The following ZNF423 variants were observed in gnomAD, a reference collection of about 807,000 sequenced individuals.
ZNF423 encodes the protein zinc finger protein 423.
In ZNF423, 12 loss-of-function variants were observed where a neutral mutation model predicts 95.8. That is an observed-to-expected ratio of 0.13 (90% confidence interval 0.08 to 0.20). The LOEUF (loss-of-function observed/expected upper bound fraction) is 0.20, where lower values mean the gene tolerates loss of function less well. ZNF423 is among the 10% of genes least tolerant of loss of function. ZNF423 has a pLI of 1.00. For synonymous variants in ZNF423, 749 were observed against 711.9 expected (o/e 1.05, Z -0.83); for missense variants, 1,316 against 1,737.1 (o/e 0.76, Z 4.31).
intron 2 of ZNF423, among the ~76,000 whole-genome samples, chr16:49,735,525 G>C (rs538263119): frequency 1.3e-5 from 2 of 152,168 alleles, no homozygotes; most frequent in African/African-American, 4.8e-5. Context: ...ACGAGGGACC[G>C]AATTCTCCTC....
chr16:49,604,855 G>A (rs72793550), intron 5 of ZNF423, among the ~76,000 whole-genome samples: 7,377 of 152,200 alleles, frequency 0.048, 220 homozygotes, highest in Non-Finnish European at 0.07. Context: ...GATGAAAGCC[G>A]GACACTGTCC....
intron 5 of ZNF423, among the ~76,000 whole-genome samples, chr16:49,592,249 G>A (rs1451677408): frequency 1.3e-5 from 2 of 152,220 alleles, no homozygotes; most frequent in Admixed American, 6.5e-5. Context: ...TTCCCTGGGA[G>A]GTGAGATTAA....
chr16:49,679,836 A>C (rs1225104856), intron 3 of ZNF423, among the ~76,000 whole-genome samples: 2 of 152,314 alleles, frequency 1.3e-5, no homozygotes, highest in East Asian at 3.9e-4. Context: ...CAGAGTGAGA[A>C]CTTATGGTGC....
chr16:49,502,280 TCGGTGTGGTTAAGTTCTGA>T (rs986749657), intron 7 of ZNF423, among the ~76,000 whole-genome samples: 4 of 152,262 alleles, frequency 2.6e-5, no homozygotes, highest in African/African-American at 9.6e-5. Flanking sequence ...GATGTGGGAC[TCGGTGTGGTTAAGTTCTGA>T]CAAAGAGGGT....
intron 3 of ZNF423, among the ~76,000 whole-genome samples, chr16:49,685,967 C>T (rs940846990): frequency 2.6e-5 from 4 of 152,234 alleles, no homozygotes; most frequent in Admixed American, 2.6e-4. Context: ...GTCTGGATGG[C>T]TATCCCCATA....
chr16:49,828,521 A>G (rs1462736915), intron 1 of ZNF423, among the ~76,000 whole-genome samples: 7 of 152,232 alleles, frequency 4.6e-5, no homozygotes, highest in Non-Finnish European at 8.8e-5. Flanking sequence ...ACATAACATA[A>G]GCAAGTTCCC....
At chr16:49,530,650 G>T (rs1032892819) in intron 5 of ZNF423, among the ~76,000 whole-genome samples, 1 of 152,116 alleles carries the variant, frequency 6.6e-6, no homozygotes, top group Non-Finnish European at 1.5e-5. Context: ...TGCACCCATG[G>T]TCACCCCTAA....
At chr16:49,647,442 A>T (rs1175557822) in intron 3 of ZNF423, among the ~76,000 whole-genome samples, 1 of 152,274 alleles carries the variant, frequency 6.6e-6, no homozygotes, top group Non-Finnish European at 1.5e-5. Flanking sequence ...GTTACGTTAC[A>T]TGGTAAAATG....
chr16:49,565,921 G>A (rs1004528884), intron 5 of ZNF423, among the ~76,000 whole-genome samples: 1 of 150,630 alleles, frequency 6.6e-6, no homozygotes, highest in Non-Finnish European at 1.5e-5. Context: ...GAAGGGAGGG[G>A]AGAGAAAGGG....
intron 3 of ZNF423, among the ~76,000 whole-genome samples, chr16:49,696,642 T>C (rs1596872614): frequency 2.0e-5 from 3 of 152,128 alleles, no homozygotes; most frequent in African/African-American, 7.2e-5. Context: ...TGACGGCACC[T>C]ACCCACCCCC....
chr16:49,753,328 G>A (rs1414798151), intron 2 of ZNF423, among the ~76,000 whole-genome samples: 6 of 151,916 alleles, frequency 3.9e-5, no homozygotes, highest in African/African-American at 7.3e-5. Context: ...GAGGCTAGGC[G>A]CGGTGGCTCA....
At chr16:49,726,106 T>G (rs571925469) in intron 3 of ZNF423, among the ~76,000 whole-genome samples, 1 of 152,220 alleles carries the variant, frequency 6.6e-6, no homozygotes, top group African/African-American at 2.4e-5. Context: ...TGGGCTGGCA[T>G]GTTCCAGGAC....
At chr16:49,521,303 T>G (rs1968385419) in intron 7 of ZNF423, among the ~76,000 whole-genome samples, 1 of 152,104 alleles carries the variant, frequency 6.6e-6, no homozygotes, top group Non-Finnish European at 1.5e-5. Flanking sequence ...TAAATCGTAG[T>G]TTATATGCAC....
intron 3 of ZNF423, chr16:49,664,313 T>A: frequency 2.0e-6 from 2 of 985,400 alleles, no homozygotes; most frequent in Non-Finnish European, 2.4e-6. Context: ...GCGGCGGCGC[T>A]TGGCGGAGGA....
Position 49,495,265 on chromosome 16 carries a change from G to T in ZNF423, c.3850-3961C>A, listed in dbSNP as rs747175824. ...TGTGCTCTCCTGGATGGAGGTTTCT[G>T]GTACAGCCTGTTTTGGGGGCCTCTG... On this transcript the variant is annotated intron_variant, in intron 7 of 7. Transcript: ENST00000563137. Among the ~76,000 whole-genome samples, 3 of 152,312 alleles carry T rather than the reference G, an allele frequency of 2.0e-5. No individual in the cohort carries two copies. In the South Asian group the frequency reaches 6.2e-4, roughly 32 times the overall value.
intron 3 of ZNF423, among the ~76,000 whole-genome samples, chr16:49,660,950 G>C (rs1255942495): frequency 6.6e-6 from 1 of 152,138 alleles, no homozygotes; most frequent in Non-Finnish European, 1.5e-5. Context: ...GCTGGGCATG[G>C]TGACTCACAC....
chr16:49,807,894 C>A (rs1156886966), intron 1 of ZNF423, among the ~76,000 whole-genome samples: 1 of 152,218 alleles, frequency 6.6e-6, no homozygotes, highest in Non-Finnish European at 1.5e-5. Context: ...GGGACCTCCC[C>A]AGACAACTCC....
chr16:49,520,319 TCA>T (rs1298894771), intron 7 of ZNF423, among the ~76,000 whole-genome samples: 1 of 152,226 alleles, frequency 6.6e-6, no homozygotes, highest in African/African-American at 2.4e-5. Flanking sequence ...TGAATTAATC[TCA>T]GTCTTTTGGG....
intron 2 of ZNF423, among the ~76,000 whole-genome samples, chr16:49,758,808 G>A (rs983450648): frequency 1.8e-4 from 28 of 152,282 alleles, no homozygotes; most frequent in Admixed American, 2.0e-4. Flanking sequence ...GGCACTCCAA[G>A]TCTAAATTAT....
Sources: gnomAD v4.1 joint callset for allele counts (sites outside exome capture counted in the v4.1 genomes callset) on GRCh38, gnomAD v4.1.1 for gene constraint, MANE v1.5 for transcripts, NCBI Gene and HGNC (gene_info 2026-07-23, HGNC 2026-07-21) for gene names.